The following STAT5B variants were observed in gnomAD, a reference collection of about 807,000 sequenced individuals.
The protein encoded by STAT5B is signal transducer and activator of transcription 5B.
A neutral mutation model predicts 107.8 loss-of-function variants in STAT5B; 21 were observed. The ratio of observed to expected loss-of-function variants is 0.19; its 90% CI spans 0.14 to 0.28. STAT5B has a LOEUF of 0.28. STAT5B is among the 10% of genes least tolerant of loss of function. The probability of loss-of-function intolerance (pLI) is 1.00; values close to 1 mark genes in which losing one functional copy is unlikely to be tolerated. For missense variants in STAT5B, 565 were observed against 1,008.2 expected (o/e 0.56, Z 5.95); for synonymous variants, 325 against 401.7 (o/e 0.81, Z 2.28).
Position 42,218,225 on chromosome 17 carries a change from G to A in STAT5B, c.1095C>T (p.Asn365=), listed in dbSNP as rs188781721. 2.5e-5 allele frequency: 41 copies of A among 1,614,092 alleles called. 2 individuals are homozygous for A. The highest frequency in any genetic ancestry group is 1.9e-4 in the South Asian group (17 of 91,086). ...TGATGGTGGCCTTCACCTGGGGGGG[G>A]TTCATGTGCACGTTCAGCTTCCCGC... ...LVGGKLNVHM[N]PPQVKATIIS... The change falls in exon 9 of 19, where the codon AAC becomes AAT. Residue 365 remains asparagine, a synonymous_variant. Transcript: ENST00000293328.
chr17:42,234,150 GTA>G (rs1393726304), intron 1 of STAT5B: 1 of 152,190 alleles, frequency 6.6e-6, no homozygotes, highest in Admixed American at 6.5e-5. Flanking sequence ...ACCAGAGACT[GTA>G]CAAGTGTGTC....
chr17:42,223,213 TA>T (rs1012821191), intron 5 of STAT5B, among the ~76,000 whole-genome samples, 168 bp downstream of exon 5: 1 of 152,056 alleles, frequency 6.6e-6, no homozygotes, highest in Non-Finnish European at 1.5e-5. Flanking sequence ...CTCCCCTTCC[TA>T]AATCTCATCC....
chr17:42,267,194 TAC>T (rs1217424511), intron 1 of STAT5B, among the ~76,000 whole-genome samples: 1 of 152,248 alleles, frequency 6.6e-6, no homozygotes, highest in East Asian at 1.9e-4. Flanking sequence ...TTGCGTGCAG[TAC>T]ATACTTGATA....
chr17:42,285,645 A>G, the STAT5B span, among the ~76,000 whole-genome samples: 2 of 152,208 alleles, frequency 1.3e-5, no homozygotes, highest in African/African-American at 4.8e-5. Context: ...GGGACAAACA[A>G]GGGGACTGAA....
intron 1 of STAT5B, among the ~76,000 whole-genome samples, chr17:42,266,834 A>G (rs2080677370): frequency 6.6e-6 from 1 of 152,150 alleles, no homozygotes; most frequent in South Asian, 2.1e-4. Context: ...TTGTTTTGAT[A>G]CCTTCAACAT....
intron 1 of STAT5B, among the ~76,000 whole-genome samples, chr17:42,257,845 CAAAAATATTTTGAAACACTTAA>C (rs1254851656): frequency 6.6e-6 from 1 of 152,094 alleles, no homozygotes; most frequent in Non-Finnish European, 1.5e-5. Flanking sequence ...CTAGGTATAA[CAAAAATATTTTGAAACACTTAA>C]AAATGTCCAT....
chr17:42,268,716 G>A (rs1322202355), intron 1 of STAT5B: 2 of 152,024 alleles, frequency 1.3e-5, no homozygotes, highest in Non-Finnish European at 2.9e-5. Flanking sequence ...AATTCACAGG[G>A]TGAACTGTTT....
chr17:42,210,922 C>T (rs189270414), intron 13 of STAT5B, among the ~76,000 whole-genome samples: 2 of 152,082 alleles, frequency 1.3e-5, no homozygotes, highest in Admixed American at 6.6e-5. Flanking sequence ...AGGTGATAGC[C>T]GGGCATGGTG....
chr17:42,286,859 TC>T, the STAT5B span, among the ~76,000 whole-genome samples: 53 of 152,172 alleles, frequency 3.5e-4, no homozygotes, highest in Non-Finnish European at 8.8e-5. Context: ...CAAAGTCACT[TC>T]CCCTCTCTGG....
chr17:42,287,473 G>A, the STAT5B span: 1 of 152,382 alleles, frequency 6.6e-6, no homozygotes, highest in Non-Finnish European at 1.5e-5. Context: ...GGGATGGAAG[G>A]CGTCCAGCCC....
intron 1 of STAT5B, among the ~76,000 whole-genome samples, chr17:42,260,223 C>T (rs2080583086): frequency 6.6e-6 from 1 of 152,098 alleles, no homozygotes; most frequent in Non-Finnish European, 1.5e-5. Flanking sequence ...TTTGGAACAC[C>T]TTCAGTATGT....
At chr17:42,221,965 ATGTGTGGTG>A (rs1011820095) in intron 5 of STAT5B, among the ~76,000 whole-genome samples, 6 of 80,996 alleles carry the variant, frequency 7.4e-5, no homozygotes, top group African/African-American at 3.0e-4. Context: ...TGTGTGTGCT[ATGTGTGGTG>A]TGTGTGTGCT....
At chr17:42,210,922 C>A (rs189270414) in intron 13 of STAT5B, among the ~76,000 whole-genome samples, 36 of 152,200 alleles carry the variant, frequency 2.4e-4, no homozygotes, top group Admixed American at 2.0e-3. Flanking sequence ...AGGTGATAGC[C>A]GGGCATGGTG....
intron 1 of STAT5B, among the ~76,000 whole-genome samples, chr17:42,255,088 T>TA (rs542388692): frequency 8.5e-4 from 123 of 144,974 alleles, no homozygotes; most frequent in East Asian, 1.8e-3. Flanking sequence ...AGACTCCGTC[T>TA]AAAAAAAAAA....
rs750016838 is a variant in STAT5B, at chr17:42,232,029, A to G, written c.99T>C (p.Tyr33=). 30 of 1,613,918 alleles carry G rather than the reference A, an allele frequency of 1.9e-5. No homozygotes were observed. In the East Asian group the frequency reaches 2.0e-4, roughly 11 times the overall value. Residue 33 remains tyrosine (Y), a synonymous_variant, in exon 2 of 19, where the codon TAT becomes TAC. Transcript: ENST00000293328. The part of the protein sequence containing the change: ...GQHFPIEVRH[Y]LSQWIESQAW... ...CTTGGCTTTCAATCCACTGGGATAA[A>G]TAATGCCGCACCTCAATGGGAAAAT...
chr17:42,273,644 T>C (rs1005875819), intron 1 of STAT5B, among the ~76,000 whole-genome samples: 1 of 152,214 alleles, frequency 6.6e-6, no homozygotes, highest in Non-Finnish European at 1.5e-5. Context: ...CGAAAATAGT[T>C]AGGCTTCCTT....
At chr17:42,259,804 A>G (rs559558662) in intron 1 of STAT5B, among the ~76,000 whole-genome samples, 2 of 151,854 alleles carry the variant, frequency 1.3e-5, no homozygotes, top group Non-Finnish European at 2.9e-5. Context: ...AAAGAAAGAC[A>G]CTTTTATTTC....
chr17:42,227,473 A>G, intron 3 of STAT5B, 56 bp downstream of exon 3: 1 of 1,611,200 alleles, frequency 6.2e-7, no homozygotes, highest in Non-Finnish European at 8.5e-7. Flanking sequence ...AAGTCTCTAC[A>G]GGAAGAAGAC....
At chr17:42,220,251 C>T (rs2080213374) in intron 5 of STAT5B, among the ~76,000 whole-genome samples, 1 of 152,236 alleles carries the variant, frequency 6.6e-6, no homozygotes, top group Non-Finnish European at 1.5e-5. Context: ...TGTGCCTTGG[C>T]TTCCCCACGT....
Sources: allele counts gnomAD v4.1 joint callset (sites outside exome capture counted in the v4.1 genomes callset), GRCh38; gene constraint gnomAD v4.1.1; transcripts MANE v1.5; gene names NCBI Gene and HGNC (gene_info 2026-07-23, HGNC 2026-07-21).